MELK: variants seen among roughly 807,000 people sequenced by gnomAD.
MELK encodes the protein pEg3 kinase.
MELK carries 81 observed loss-of-function variants against 85.0 expected under a neutral mutation model. The observed-to-expected ratio is 0.95, with a 90% CI of 0.80 to 1.15. The LOEUF (loss-of-function observed/expected upper bound fraction) is 1.15. Among genes scored for constraint, MELK ranks in the 50% most tolerant of loss-of-function variants. The probability of loss-of-function intolerance (pLI) is 0.00; values close to 1 mark genes in which losing one functional copy is unlikely to be tolerated. For synonymous variants in MELK, 252 were observed against 265.0 expected (o/e 0.95, Z 0.48); for missense variants, 754 against 777.5 (o/e 0.97, Z 0.36).
At position 36,657,326 on chromosome 9, in the gene MELK, A is replaced by G. The variant is rs1164383231; in HGVS notation, c.1139A>G (p.Asp380Gly). The change falls in exon 13 of 18, where the codon GAT becomes GGT. Residue 380 changes from aspartate to glycine, a missense_variant. Physicochemically the swap from Asp to Gly is moderately conservative, Grantham distance 94 (BLOSUM62 -1). Coordinates refer to ENST00000298048, the MANE Select transcript of MELK (RefSeq NM_014791.4). The part of the protein sequence containing the change: ...GLIDYDWCED[D>G]LSTGAATPRT... ...ATAGACTATGATTGGTGTGAAGATG[A>G]TTTATCAACAGGTGCTGCTACTCCC... 1.2e-6 allele frequency: 2 copies of G among 1,613,240 alleles called. No individual in the cohort carries two copies. Among genetic ancestry groups the G allele is most frequent in the Non-Finnish European group, 1.7e-6 (2 of 1,179,802 alleles).
At chr9:36,587,683 G>A (rs1823072306) in intron 3 of MELK, among the ~76,000 whole-genome samples, 1 of 151,208 alleles carries the variant, frequency 6.6e-6, no homozygotes, top group South Asian at 2.1e-4. Flanking sequence ...GGCAACCTCC[G>A]CCTCCTGGGT....
At chr9:36,626,948 A>G (rs112989805) in intron 8 of MELK, among the ~76,000 whole-genome samples, 4,086 of 150,638 alleles carry the variant, frequency 0.027, 85 homozygotes, top group Non-Finnish European at 0.045. Flanking sequence ...ACAAGAGTGA[A>G]ACTCCATCTC....
intron 11 of MELK, among the ~76,000 whole-genome samples, chr9:36,645,825 C>T (rs1830170168): frequency 6.6e-6 from 1 of 152,110 alleles, no homozygotes; most frequent in Admixed American, 6.6e-5. Context: ...AAAGTGTGGC[C>T]TAGGACCAGC....
At chr9:36,668,612 A>G (rs1030520902) in intron 14 of MELK, among the ~76,000 whole-genome samples, 1 of 152,108 alleles carries the variant, frequency 6.6e-6, no homozygotes, top group African/African-American at 2.4e-5. Flanking sequence ...TACTGGGTTC[A>G]AGGGATTCTT....
At chr9:36,668,396 T>C (rs1358486942) in intron 14 of MELK, among the ~76,000 whole-genome samples, 2 of 152,216 alleles carry the variant, frequency 1.3e-5, no homozygotes, top group Non-Finnish European at 2.9e-5. Context: ...CATGAGCTAA[T>C]CAGTATAACC....
At chr9:36,585,945 T>G (rs1180062322) in intron 3 of MELK, among the ~76,000 whole-genome samples, 1 of 151,218 alleles carries the variant, frequency 6.6e-6, no homozygotes, top group African/African-American at 2.4e-5. Flanking sequence ...CTAAAAAAAG[T>G]TTTTTTTTGA....
chr9:36,581,168 A>T (rs541228228), intron 1 of MELK, among the ~76,000 whole-genome samples: 1 of 151,158 alleles, frequency 6.6e-6, no homozygotes, highest in South Asian at 2.1e-4. Flanking sequence ...TCTTTTTTTG[A>T]TGGTGTCTTT....
At chr9:36,596,719 T>C (rs1824326271) in intron 5 of MELK, among the ~76,000 whole-genome samples, 1 of 151,760 alleles carries the variant, frequency 6.6e-6, no homozygotes, top group Non-Finnish European at 1.5e-5. Context: ...CCCAAGTAGC[T>C]GGGATTACAG....
At chr9:36,619,880 A>G (rs1193337119) in intron 8 of MELK, among the ~76,000 whole-genome samples, 1 of 152,170 alleles carries the variant, frequency 6.6e-6, no homozygotes, top group Non-Finnish European at 1.5e-5. Flanking sequence ...TGTGTGTTGC[A>G]TATCTTTGTG....
intron 11 of MELK, among the ~76,000 whole-genome samples, chr9:36,649,621 T>C (rs1163766139): frequency 6.6e-6 from 1 of 151,726 alleles, no homozygotes; most frequent in Non-Finnish European, 1.5e-5. Context: ...ATACAAAAAT[T>C]AGCCAGGCGT....
chr9:36,618,963 T>TC (rs1827127310), intron 8 of MELK, among the ~76,000 whole-genome samples: 1 of 151,082 alleles, frequency 6.6e-6, no homozygotes, highest in African/African-American at 2.4e-5. Flanking sequence ...CTAAGTATTT[T>TC]TTTTTTTTTT....
At chr9:36,614,409 A>T (rs1231421015) in intron 8 of MELK, among the ~76,000 whole-genome samples, 3 of 142,106 alleles carry the variant, frequency 2.1e-5, no homozygotes, top group African/African-American at 7.9e-5. Context: ...TGTCTTTTTT[A>T]AAAAATTATT....
chr9:36,659,512 G>C (rs993807003), intron 13 of MELK, among the ~76,000 whole-genome samples: 1 of 152,058 alleles, frequency 6.6e-6, no homozygotes, highest in African/African-American at 2.4e-5. Flanking sequence ...GTCAGTGTTG[G>C]GCTGCATTTA....
chr9:36,622,480 A>T (rs1307012134), intron 8 of MELK, among the ~76,000 whole-genome samples: 1 of 152,222 alleles, frequency 6.6e-6, no homozygotes, highest in Non-Finnish European at 1.5e-5. Flanking sequence ...TTTGTTGACT[A>T]TTTTAACCAA....
intron 13 of MELK, among the ~76,000 whole-genome samples, chr9:36,661,088 A>G (rs190198479): frequency 6.6e-6 from 1 of 152,214 alleles, no homozygotes; most frequent in Non-Finnish European, 1.5e-5. Context: ...TTTTCTGAGC[A>G]TGAAGCTTTG....
chr9:36,610,085 C>T (rs548437330), intron 8 of MELK, among the ~76,000 whole-genome samples: 85 of 152,200 alleles, frequency 5.6e-4, no homozygotes, highest in Non-Finnish European at 9.1e-4. Flanking sequence ...GTACAGGTAG[C>T]ATGAGCAAAG....
At chr9:36,629,545 G>A (rs1283093073) in intron 8 of MELK, among the ~76,000 whole-genome samples, 1 of 152,114 alleles carries the variant, frequency 6.6e-6, no homozygotes, top group Non-Finnish European at 1.5e-5. Flanking sequence ...ATTCTGTTTT[G>A]TGGATGACCT....
intron 13 of MELK, among the ~76,000 whole-genome samples, chr9:36,662,112 C>T (rs1212028740): frequency 6.6e-6 from 1 of 150,842 alleles, no homozygotes; most frequent in African/African-American, 2.4e-5. Context: ...TTCTGTATTT[C>T]CCCCTTATTT....
At chr9:36,582,214 C>T (rs553612635) in intron 2 of MELK, among the ~76,000 whole-genome samples, 22 of 152,156 alleles carry the variant, frequency 1.4e-4, no homozygotes, top group East Asian at 1.4e-3. Flanking sequence ...GTGATCCACC[C>T]GCCTCGGCCT....
Sources: allele counts gnomAD v4.1 joint callset (sites outside exome capture counted in the v4.1 genomes callset), GRCh38; gene constraint gnomAD v4.1.1; transcripts MANE v1.5; gene names NCBI Gene and HGNC (gene_info 2026-07-23, HGNC 2026-07-21).